Variants in PLPPR1 observed in about 807,000 individuals in gnomAD.
PLPPR1 encodes phospholipid phosphatase-related protein type 1.
In PLPPR1, 10 loss-of-function variants were observed where a neutral mutation model predicts 33.1. The observed-to-expected ratio is 0.30, with a 90% confidence interval of 0.19 to 0.51. The LOEUF is 0.51. PLPPR1 is among the 20% of genes least tolerant of loss of function. The pLI, the probability that PLPPR1 is intolerant of heterozygous loss-of-function variation, is 0.97. For synonymous variants in PLPPR1, 151 were observed against 151.0 expected, an observed-to-expected ratio of 1.00 and a Z score of 0.00; for missense variants, 304 against 408.1, an observed-to-expected ratio of 0.74 and a Z score of 2.20.
chr9:101,092,057 T>C (rs972480954), intron 1 of PLPPR1, among the ~76,000 whole-genome samples: 4 of 152,158 alleles, frequency 2.6e-5, no homozygotes, highest in African/African-American at 9.7e-5. Flanking sequence ...CCTTGCACCC[T>C]TTATTTCAGC....
rs1416109013 is a variant in PLPPR1 at position 101,309,317 on chromosome 9, C to T, written c.492C>T (p.Tyr164=). 3 of 1,614,072 alleles carry T rather than the reference C, an allele frequency of 1.9e-6. No homozygotes were observed. Among genetic ancestry groups the T allele is most frequent in the East Asian group, 2.2e-5 (1 of 44,888 alleles). Residue 164 remains tyrosine, a synonymous_variant, in exon 5 of 8, where the codon TAC becomes TAT. Transcript: ENST00000374874. ...TCCTGACTGTGTGCAAGCCAAACTACACCAGTGCAGACTGCCAAGCGCACC... is the reference window on the plus strand; with the variant it reads ...TCCTGACTGTGTGCAAGCCAAACTATACCAGTGCAGACTGCCAAGCGCACC... ...PYFLTVCKPN[Y]TSADCQAHHQ... is the part of the protein sequence containing the mutation.
intron 1 of PLPPR1, among the ~76,000 whole-genome samples, chr9:101,182,174 T>A (rs1826126048): frequency 6.6e-6 from 1 of 151,522 alleles, no homozygotes; most frequent in African/African-American, 2.4e-5. Context: ...TTCACTTACA[T>A]GTGGAATCTA....
intron 4 of PLPPR1, among the ~76,000 whole-genome samples, chr9:101,298,548 G>A (rs962396168): frequency 3.3e-5 from 5 of 152,082 alleles, no homozygotes; most frequent in African/African-American, 4.8e-5. Context: ...TCATTTAAAT[G>A]TACTTTATCA....
intron 1 of PLPPR1, among the ~76,000 whole-genome samples, chr9:101,063,575 C>A (rs1240076561): frequency 1.3e-5 from 2 of 152,098 alleles, no homozygotes; most frequent in African/African-American, 2.4e-5. Flanking sequence ...AGAACACTAG[C>A]TGTTTCTTCC....
intron 1 of PLPPR1, among the ~76,000 whole-genome samples, chr9:101,126,842 G>T (rs1333854734): frequency 1.3e-5 from 2 of 152,078 alleles, no homozygotes; most frequent in Non-Finnish European, 2.9e-5. Flanking sequence ...ATCTGAATCT[G>T]CCTTATCGTC....
At chr9:101,063,704 C>T (rs1830374084) in intron 1 of PLPPR1, among the ~76,000 whole-genome samples, 1 of 152,046 alleles carries the variant, frequency 6.6e-6, no homozygotes, top group Admixed American at 6.6e-5. Flanking sequence ...CTGCCCTTAA[C>T]TTGTCTGGTC....
At chr9:101,056,806 T>G (rs1830283236) in intron 1 of PLPPR1, among the ~76,000 whole-genome samples, 1 of 152,080 alleles carries the variant, frequency 6.6e-6, no homozygotes, top group African/African-American at 2.4e-5. Flanking sequence ...GATAAGGAGA[T>G]TGTGATCATG....
chr9:101,064,231 C>T (rs1007245079), intron 1 of PLPPR1, among the ~76,000 whole-genome samples: 2 of 152,030 alleles, frequency 1.3e-5, no homozygotes, highest in Admixed American at 1.3e-4. Context: ...TACCTGAAAA[C>T]TTAGTGGCTT....
intron 1 of PLPPR1, among the ~76,000 whole-genome samples, chr9:101,114,369 A>G (rs1831094376): frequency 6.6e-6 from 1 of 152,216 alleles, no homozygotes; most frequent in South Asian, 2.1e-4. Context: ...AACAGGGGAC[A>G]GATAGCACAC....
intron 2 of PLPPR1, among the ~76,000 whole-genome samples, chr9:101,255,541 T>TTC (rs201873087): frequency 0.019 from 2,832 of 152,348 alleles, 35 homozygotes; most frequent in Middle Eastern, 0.085. Context: ...TTGTTAACTT[T>TTC]ATTGAAGAGT....
rs141997825 is a variant in PLPPR1 at position 101,176,206 on chromosome 9, G to A, written c.-45-9244G>A. Among the ~76,000 whole-genome samples the A allele has an allele frequency of 4.4e-3, 669 of 152,264 alleles. 10 individuals carry two copies. The highest frequency in any genetic ancestry group is 0.014 in the Middle Eastern group (4 of 294). On this transcript the variant is annotated intron_variant, in intron 1 of 7. Coordinates refer to ENST00000374874, the MANE Select transcript of PLPPR1 (RefSeq NM_207299.2). ...CTAGTCAAACACCACAGAAAAAACT[G>A]AGGCCCCACCTCCACCTACTAGAAA...
chr9:101,207,943 C>G (rs1287620585), intron 2 of PLPPR1, among the ~76,000 whole-genome samples: 1 of 152,170 alleles, frequency 6.6e-6, no homozygotes, highest in Non-Finnish European at 1.5e-5. Context: ...AAACGTATTT[C>G]ATTTGGGTCA....
chr9:101,060,695 C>A (rs555379415), intron 1 of PLPPR1, among the ~76,000 whole-genome samples: 2 of 151,694 alleles, frequency 1.3e-5, no homozygotes, highest in Non-Finnish European at 2.9e-5. Flanking sequence ...GTAAGCTTTA[C>A]ACTCTGTAGC....
intron 1 of PLPPR1, among the ~76,000 whole-genome samples, chr9:101,179,896 G>T (rs1363011384): frequency 1.3e-5 from 2 of 151,592 alleles, no homozygotes; most frequent in African/African-American, 4.8e-5. Context: ...AAAGCAGGCA[G>T]AAAAACTTGA....
At chr9:101,222,377 C>T (rs1020169790) in intron 2 of PLPPR1, among the ~76,000 whole-genome samples, 1 of 152,154 alleles carries the variant, frequency 6.6e-6, no homozygotes, top group Non-Finnish European at 1.5e-5. Flanking sequence ...GTGGCTTGTT[C>T]TACAGATAGT....
intron 2 of PLPPR1, among the ~76,000 whole-genome samples, chr9:101,254,056 T>G (rs1480928553): frequency 6.6e-6 from 1 of 152,078 alleles, no homozygotes; most frequent in Admixed American, 6.6e-5. Context: ...GTCCCCAACA[T>G]TTTTGGCACC....
intron 1 of PLPPR1, among the ~76,000 whole-genome samples, chr9:101,172,333 G>A (rs141119935): frequency 2.3e-4 from 33 of 145,550 alleles, no homozygotes; most frequent in African/African-American, 7.8e-4. Context: ...TCAGTATTTG[G>A]TAACAGACAC....
At chr9:101,265,356 C>A (rs1827970671) in intron 2 of PLPPR1, among the ~76,000 whole-genome samples, 1 of 152,226 alleles carries the variant, frequency 6.6e-6, no homozygotes, top group South Asian at 2.1e-4. Flanking sequence ...CTCCCACAGC[C>A]ATAATTGCTT....
chr9:101,309,595 C>T lies in PLPPR1; in HGVS notation c.636+134C>T, dbSNP rs2118954697. 9 of 959,446 alleles carry T rather than the reference C, an allele frequency of 9.4e-6. No individual in the cohort carries two copies. The Admixed American group carries it at 2.1e-4, about 22-fold the overall frequency. 59.4% of individuals were successfully genotyped at this position (959,446 alleles called of 1,614,324 possible). ...GTATGGCATATTTCTCTACATTATG[C>T]TATTGATATACTAGCCCCCCCACAC... On this transcript the variant is annotated intron_variant, in intron 5 of 7. Transcript: ENST00000374874.
Sources: allele counts gnomAD v4.1 joint callset (sites outside exome capture counted in the v4.1 genomes callset), GRCh38; gene constraint gnomAD v4.1.1; transcripts MANE v1.5; gene names NCBI Gene and HGNC (gene_info 2026-07-23, HGNC 2026-07-21).